Variants in ASAH2 observed in about 807,000 individuals in gnomAD.
ASAH2 encodes the protein N-acylsphingosine amidohydrolase 2, also known as neutral ceramidase.
Under a neutral mutation model 82.9 loss-of-function variants are expected in ASAH2, and 58 were observed. The observed-to-expected ratio is 0.70, with a 90% CI of 0.57 to 0.87. The LOEUF (loss-of-function observed/expected upper bound fraction) is 0.87. Ranked by LOEUF, ASAH2 falls within the 40% of genes least tolerant of loss-of-function variation. ASAH2 has a pLI of 0.00. For synonymous variants in ASAH2, 276 were observed against 289.7 expected, an observed-to-expected ratio of 0.95 and a Z score of 0.48; for missense variants, 779 against 834.0, an observed-to-expected ratio of 0.93 and a Z score of 0.81.
chr10:50,236,899 T>C (rs200214255), intron 4 of ASAH2, among the ~76,000 whole-genome samples: 129,779 of 152,170 alleles, frequency 0.85, 55,427 homozygotes, highest in Non-Finnish European at 0.87. Flanking sequence ...TATGAGGTTC[T>C]TGTCTTGAAG....
Position 50,194,295 on chromosome 10 carries a change from G to T in ASAH2, c.2005-1583C>A, listed in dbSNP as rs1302932415. 2.6e-5 allele frequency among the ~76,000 whole-genome samples: 4 copies of T among 151,352 alleles called. No individual in the cohort carries two copies. The East Asian group carries it at 7.8e-4, about 30-fold the overall frequency. ...AATCAAATTCAGCAACATCTAAAAAGGATTATACACCATGACTAAATGATA... is the reference window on the plus strand; with the variant it reads ...AATCAAATTCAGCAACATCTAAAAATGATTATACACCATGACTAAATGATA... On this transcript the variant is annotated intron_variant, in intron 18 of 20. Transcript: ENST00000682911.
At chr10:50,250,753 G>T (rs571144483) in intron 1 of ASAH2, among the ~76,000 whole-genome samples, 18 of 152,280 alleles carry the variant, frequency 1.2e-4, no homozygotes, top group African/African-American at 4.1e-4. Flanking sequence ...AACAGAGAGG[G>T]TACAAAATAA....
chr10:50,204,102 G>C (rs1010661722), intron 14 of ASAH2, among the ~76,000 whole-genome samples: 1 of 152,132 alleles, frequency 6.6e-6, no homozygotes, highest in Admixed American at 6.6e-5. Flanking sequence ...ATGAGAGCTT[G>C]ATGAAGAACA....
chr10:50,209,292 T>G (rs1269494747), intron 12 of ASAH2, among the ~76,000 whole-genome samples: 1 of 152,096 alleles, frequency 6.6e-6, no homozygotes, highest in African/African-American at 2.4e-5. Context: ...TCATAAAAAT[T>G]AAGAATGTTT....
At chr10:50,224,561 C>CTCTT (rs1370585142) in intron 7 of ASAH2, among the ~76,000 whole-genome samples, 2 of 152,100 alleles carry the variant, frequency 1.3e-5, no homozygotes, top group East Asian at 3.9e-4. Context: ...TGCCCATGTG[C>CTCTT]TCTTCTATTT....
At chr10:50,201,745 T>C (rs2133199975) in intron 16 of ASAH2, among the ~76,000 whole-genome samples, 1 of 152,242 alleles carries the variant, frequency 6.6e-6, no homozygotes, top group East Asian at 1.9e-4. Context: ...GGAAACCAGT[T>C]AGGTTGAAAT....
intron 16 of ASAH2, among the ~76,000 whole-genome samples, chr10:50,199,505 G>A (rs1208320625): frequency 1.3e-5 from 2 of 151,462 alleles, no homozygotes; most frequent in African/African-American, 2.4e-5. Context: ...AAAATAAAGA[G>A]TCCTAGTAAC....
At chr10:50,210,581 A>G (rs1845426109) in intron 12 of ASAH2, among the ~76,000 whole-genome samples, 1 of 152,142 alleles carries the variant, frequency 6.6e-6, no homozygotes, top group Non-Finnish European at 1.5e-5. Flanking sequence ...AAAATGCCAC[A>G]TATTATATGA....
intron 7 of ASAH2, among the ~76,000 whole-genome samples, chr10:50,222,100 G>A (rs1845765047): frequency 6.6e-6 from 1 of 152,170 alleles, no homozygotes; most frequent in African/African-American, 2.4e-5. Context: ...GATGGCAGCT[G>A]TATCATTCAT....
chr10:50,242,384 A>T (rs921616035), intron 4 of ASAH2, among the ~76,000 whole-genome samples: 2 of 152,206 alleles, frequency 1.3e-5, no homozygotes, highest in African/African-American at 2.4e-5. Flanking sequence ...AAAGTGTTTA[A>T]TAGGTTAGAC....
At chr10:50,216,559 T>G (rs1845607658) in intron 8 of ASAH2, among the ~76,000 whole-genome samples, 1 of 152,168 alleles carries the variant, frequency 6.6e-6, no homozygotes, top group Non-Finnish European at 1.5e-5. Flanking sequence ...CCCTTTGCCC[T>G]TTAAAAATAA....
intron 4 of ASAH2, among the ~76,000 whole-genome samples, chr10:50,236,388 T>C (rs983646771): frequency 0.023 from 3,506 of 152,046 alleles, 148 homozygotes; most frequent in African/African-American, 0.08. Flanking sequence ...AACCATCAGA[T>C]CTTGTGAGAA....
In ASAH2 at chr10:50,199,068, CA is replaced by C; in HGVS notation, c.1839del (p.Ala614LeufsTer9). The C allele has an allele frequency of 6.2e-7, 1 of 1,613,218 alleles. No homozygotes were observed. The highest frequency in any genetic ancestry group is 1.1e-5 in the South Asian group (1 of 91,072). On this transcript the variant is annotated frameshift_variant, in exon 17 of 21. Transcript: ENST00000682911. LOFTEE classifies it high-confidence loss of function. ...LSAYIQLFRN[L>X]AKAIATDTVA... ...TTGATTACCGTAGCAATAGCCTTAGCAAGGTTTCTGAAGAGCTGAATGTAAG... is the reference window on the plus strand; with the variant it reads ...TTGATTACCGTAGCAATAGCCTTAGCAGGTTTCTGAAGAGCTGAATGTAAG...
At chr10:50,246,051 T>C (rs1846447607) in intron 2 of ASAH2, among the ~76,000 whole-genome samples, 1 of 152,236 alleles carries the variant, frequency 6.6e-6, no homozygotes, top group Non-Finnish European at 1.5e-5. Flanking sequence ...TTCTAGTATT[T>C]ATATATTCAT....
intron 7 of ASAH2, among the ~76,000 whole-genome samples, chr10:50,222,902 G>A (rs544888445): frequency 2.4e-4 from 36 of 152,258 alleles, no homozygotes; most frequent in African/African-American, 8.4e-4. Context: ...AAGAAAGGAA[G>A]AAAGCTTTAG....
intron 7 of ASAH2, among the ~76,000 whole-genome samples, chr10:50,219,660 T>C (rs571186080): frequency 2.6e-5 from 4 of 152,374 alleles, no homozygotes; most frequent in South Asian, 2.1e-4. Flanking sequence ...CTAAGCAATG[T>C]AATGCACAAA....
rs1279257059 is a variant in ASAH2, at chr10:50,185,928, G to A, written c.*1387C>T. ...TTACATACATACAAAAGTATGACCTGGGGTTTGGAAATTTGCTTTGCAGTC... is the reference window on the plus strand; with the variant it reads ...TTACATACATACAAAAGTATGACCTAGGGTTTGGAAATTTGCTTTGCAGTC... On this transcript the variant is annotated 3_prime_UTR_variant, in exon 21 of 21. Transcript: ENST00000682911. 1 of 146,956 alleles carries A rather than the reference G, an allele frequency of 6.8e-6. No homozygotes were observed. Among genetic ancestry groups the A allele is most frequent in the Non-Finnish European group, 1.5e-5 (1 of 66,996 alleles). 9.1% of individuals were successfully genotyped at this position (146,956 alleles called of 1,614,324 possible). A position where few individuals can be genotyped will look rare whatever the true frequency, so the allele number is the denominator to read the frequency against.
At chr10:50,243,733 A>G (rs1403494879) in intron 3 of ASAH2, among the ~76,000 whole-genome samples, 1 of 152,148 alleles carries the variant, frequency 6.6e-6, no homozygotes, top group Non-Finnish European at 1.5e-5. Context: ...CCTGCCTTCT[A>G]AGGTACTACA....
At chr10:50,216,247 T>C (rs1039091718) in intron 8 of ASAH2, among the ~76,000 whole-genome samples, 24 of 152,048 alleles carry the variant, frequency 1.6e-4, no homozygotes, top group Admixed American at 3.3e-4. Context: ...ATAGCACGTG[T>C]ATACCTGTGT....
Sources: allele counts gnomAD v4.1 joint callset (sites outside exome capture counted in the v4.1 genomes callset), GRCh38; gene constraint gnomAD v4.1.1; transcripts MANE v1.5; gene names NCBI Gene and HGNC (gene_info 2026-07-23, HGNC 2026-07-21).